COL11A1: variants seen among roughly 807,000 people sequenced by gnomAD.
The protein encoded by COL11A1 is collagen alpha-1(XI) chain.
A neutral mutation model predicts 265.2 loss-of-function variants in COL11A1; 74 were observed. That is an observed-to-expected ratio of 0.28 (90% confidence interval 0.23 to 0.34). The LOEUF is 0.34. Among genes scored for constraint, COL11A1 ranks in the 10% least tolerant of loss-of-function variants. The pLI is 1.00. For missense variants in COL11A1, 2,165 were observed against 2,263.6 expected (o/e 0.96, Z 0.88); for synonymous variants, 816 against 727.6 (o/e 1.12, Z -1.96).
intron 1 of COL11A1, among the ~76,000 whole-genome samples, chr1:103,097,434 T>C (rs1182172809): frequency 6.6e-6 from 1 of 151,968 alleles, no homozygotes. Flanking sequence ...CTTTAGTTAA[T>C]TAATCAATGC....
intron 38 of COL11A1, among the ~76,000 whole-genome samples, chr1:102,963,678 C>A (rs542339267): frequency 1.2e-4 from 18 of 152,064 alleles, no homozygotes; most frequent in African/African-American, 4.1e-4. Flanking sequence ...AAGGTATACA[C>A]CTGTCCCAAT....
chr1:103,008,450 T>G lies in COL11A1; in HGVS notation c.1683+13A>C, dbSNP rs2101869216. Reference sequence around the variant, plus strand: ...GCCAGTCAAGAATAAAAAGTCAAATTTTTATTTTTTACCTGAGGACCTGGA... The same window carrying G: ...GCCAGTCAAGAATAAAAAGTCAAATGTTTATTTTTTACCTGAGGACCTGGA... On this transcript the variant is annotated intron_variant, in intron 15 of 66. Coordinates refer to ENST00000370096, the MANE Select transcript of COL11A1 (RefSeq NM_001854.4). 1 of 1,612,636 alleles carries G rather than the reference T, an allele frequency of 6.2e-7. No homozygotes were observed. The highest frequency in any genetic ancestry group is 8.5e-7 in the Non-Finnish European group (1 of 1,178,874).
intron 31 of COL11A1, among the ~76,000 whole-genome samples, chr1:102,982,535 G>C (rs117724558): frequency 6.6e-6 from 1 of 151,994 alleles, no homozygotes; most frequent in Non-Finnish European, 1.5e-5. Flanking sequence ...CTGGGAGACA[G>C]AGCAGTATAT....
At position 102,954,858 on chromosome 1, in the gene COL11A1, A is replaced by G. The variant is rs1324066573; in HGVS notation, c.3168+7008T>C. 1.1e-4 allele frequency among the ~76,000 whole-genome samples: 17 copies of G among 152,218 alleles called. No individual in the cohort carries two copies. In the East Asian group the frequency reaches 3.3e-3, roughly 29 times the overall value. ...AAACTCCCTCTTGAAATAAAAAAAA[A>G]AAAAAAAGAAGTTGACCTTCATGTC... On this transcript the variant is annotated intron_variant, in intron 41 of 66. Coordinates refer to ENST00000370096, the MANE Select transcript of COL11A1 (RefSeq NM_001854.4).
chr1:102,963,222 G>A (rs1041236274), intron 38 of COL11A1, among the ~76,000 whole-genome samples: 5 of 152,126 alleles, frequency 3.3e-5, no homozygotes, highest in Admixed American at 2.6e-4. Flanking sequence ...CAAAAAGCCA[G>A]TGGTTCTCCC....
At chr1:103,068,709 T>G (rs989058828) in intron 4 of COL11A1, among the ~76,000 whole-genome samples, 1 of 151,296 alleles carries the variant, frequency 6.6e-6, no homozygotes, top group Admixed American at 6.6e-5. Context: ...AAAAAAACCC[T>G]GAACTAATAA....
rs563335195 is a variant in COL11A1 at position 103,021,371 on chromosome 1, G to T, written c.1308+336C>A. 8.2e-4 allele frequency among the ~76,000 whole-genome samples: 125 copies of T among 152,162 alleles called. 1 individual carries two copies. The highest frequency in any genetic ancestry group is 3.0e-3 in the African/African-American group (123 of 41,530). On this transcript the variant is annotated intron_variant, in intron 9 of 66. Coordinates refer to ENST00000370096, the MANE Select transcript of COL11A1 (RefSeq NM_001854.4). Reference sequence around the variant, plus strand: ...GGATTGGAAAGTAGGAAAGCTAAAAGTCCTATTATATCTCATTGATCAAAC... The same window carrying T: ...GGATTGGAAAGTAGGAAAGCTAAAATTCCTATTATATCTCATTGATCAAAC...
At chr1:103,008,329 A>G in intron 15 of COL11A1, 134 bp downstream of exon 15, 1 of 700,650 alleles carries the variant, frequency 1.4e-6, no homozygotes, top group Non-Finnish European at 2.5e-6. Flanking sequence ...TTTTAATTTC[A>G]AAATAAACCC....
At chr1:102,941,888 T>C (rs1658761850) in intron 42 of COL11A1, among the ~76,000 whole-genome samples, 1 of 152,208 alleles carries the variant, frequency 6.6e-6, no homozygotes, top group Non-Finnish European at 1.5e-5. Flanking sequence ...TTTTGCATTC[T>C]ATTATATATC....
At position 103,078,671 on chromosome 1, in the gene COL11A1, T is replaced by A; in HGVS notation, c.475A>T (p.Ile159Phe). The A allele has an allele frequency of 6.2e-7, 1 of 1,613,296 alleles. No individual in the cohort carries two copies. Among genetic ancestry groups the A allele is most frequent in the Non-Finnish European group, 8.5e-7 (1 of 1,179,468 alleles). Residue 159 changes from isoleucine (I) to phenylalanine (F), a missense_variant, in exon 3 of 67, where the codon ATC (isoleucine) becomes TTC (phenylalanine). Ile to Phe is a conservative substitution (Grantham distance 21, BLOSUM62 0). Coordinates refer to ENST00000370096, the MANE Select transcript of COL11A1 (RefSeq NM_001854.4). ...TTTGTTACTTACTTCCCGTCAGCGA[T>A]GTTAACAGTTCTGAAGAGGGGATAG... ...EDYPLFRTVN[I>F]ADGKWHRVAI...
At chr1:103,012,891 C>T (rs1666243820) in intron 13 of COL11A1, among the ~76,000 whole-genome samples, 1 of 151,966 alleles carries the variant, frequency 6.6e-6, no homozygotes, top group South Asian at 2.1e-4. Context: ...TAACCAAAGC[C>T]AGACACCATA....
At chr1:103,042,968 A>T (rs1408314991) in intron 4 of COL11A1, among the ~76,000 whole-genome samples, 3 of 147,318 alleles carry the variant, frequency 2.0e-5, no homozygotes, top group African/African-American at 7.4e-5. Flanking sequence ...GAAATAGATC[A>T]TATATGTGAA....
intron 1 of COL11A1, among the ~76,000 whole-genome samples, chr1:103,099,275 T>C (rs1363856579): frequency 1.3e-5 from 2 of 151,732 alleles, no homozygotes; most frequent in African/African-American, 4.8e-5. Flanking sequence ...TCTATTAATC[T>C]TATTAAGCAT....
intron 1 of COL11A1, among the ~76,000 whole-genome samples, chr1:103,101,420 C>T (rs896868674): frequency 4.6e-5 from 7 of 151,974 alleles, no homozygotes; most frequent in Admixed American, 1.3e-4. Flanking sequence ...TTTTTTCTTT[C>T]TGTGCAGAGC....
chr1:102,974,218 CT>C (rs1463088230), intron 36 of COL11A1, among the ~76,000 whole-genome samples: 40 of 152,090 alleles, frequency 2.6e-4, no homozygotes, highest in African/African-American at 8.5e-4. Flanking sequence ...CCAGTATGTT[CT>C]ATGTCCCCAC....
At chr1:102,950,252 C>T (rs371429197) in intron 41 of COL11A1, among the ~76,000 whole-genome samples, 2 of 152,130 alleles carry the variant, frequency 1.3e-5, no homozygotes, top group Non-Finnish European at 2.9e-5. Context: ...TGCTGCACTC[C>T]AGCCTAGGTG....
chr1:103,001,855 C>T (rs1276813216), intron 24 of COL11A1, 70 bp downstream of exon 24: 3 of 1,413,894 alleles, frequency 2.1e-6, no homozygotes, highest in African/African-American at 1.4e-5. Flanking sequence ...GAAGGCAGAC[C>T]TTATACCTGC....
chr1:103,026,153 A>G (rs1250474186), intron 6 of COL11A1, 63 bp downstream of exon 6: 3 of 1,280,882 alleles, frequency 2.3e-6, no homozygotes, highest in Non-Finnish European at 2.3e-6. Context: ...AACAGTCAAC[A>G]TAAGGAACCA....
At position 102,888,907 on chromosome 1, in the gene COL11A1, G is replaced by T. The variant is rs774846193; in HGVS notation, c.4477C>A (p.Pro1493Thr). The T allele has an allele frequency of 1.2e-6, 2 of 1,612,190 alleles. No individual in the cohort carries two copies. Among genetic ancestry groups the T allele is most frequent in the Non-Finnish European group, 8.5e-7 (1 of 1,178,208 alleles). ...GAKGDGGIPG[P>T]AGPLGPPGPP... ...CCAGGTGGACCTAAGGGACCAGCAG[G>T]ACCAGGAATTCCCTAGAGAGAGAAT... The change falls in exon 60 of 67, where the codon CCT becomes ACT. Residue 1493 changes from proline (P) to threonine (T), a missense_variant. Coordinates refer to ENST00000370096, the MANE Select transcript of COL11A1 (RefSeq NM_001854.4).
Sources: gnomAD v4.1 joint callset for allele counts (sites outside exome capture counted in the v4.1 genomes callset) on GRCh38, gnomAD v4.1.1 for gene constraint, MANE v1.5 for transcripts, NCBI Gene and HGNC (gene_info 2026-07-23, HGNC 2026-07-21) for gene names.